TSC22D3: variants seen among roughly 807,000 people sequenced by gnomAD.
The protein encoded by TSC22D3 is TSC22 domain family protein 3.
A neutral mutation model predicts 11.1 loss-of-function variants in TSC22D3; 4 were observed. That is an observed-to-expected ratio of 0.36 (90% CI 0.18 to 0.83). TSC22D3 has a LOEUF of 0.83. TSC22D3 is among the 40% of genes least tolerant of loss of function. The pLI is 0.48. For missense variants in TSC22D3, 118 were observed against 159.4 expected (o/e 0.74, Z 1.40); for synonymous variants, 77 against 70.3 (o/e 1.10, Z -0.48).
At chrX:107,728,558 G>A (rs1927749204) in intron 1 of TSC22D3, among the ~76,000 whole-genome samples, 1 of 112,159 alleles carries the variant, frequency 8.9e-6, no homozygotes. Flanking sequence ...CAGGAGCAGG[G>A]TGGCCAAGTC....
At chrX:107,763,452 C>T (rs1241692338) in intron 1 of TSC22D3, among the ~76,000 whole-genome samples, 2 of 111,345 alleles carry the variant, frequency 1.8e-5, no homozygotes, top group Non-Finnish European at 1.9e-5. Flanking sequence ...AATGAACACT[C>T]TTTGGGGCCC....
chrX:107,760,946 CAG>C (rs1157143986), intron 1 of TSC22D3, among the ~76,000 whole-genome samples: 4 of 111,691 alleles, frequency 3.6e-5, no homozygotes, highest in African/African-American at 9.8e-5. Context: ...ATGTGAGTGA[CAG>C]AGCAAGAAGA....
intron 1 of TSC22D3, among the ~76,000 whole-genome samples, chrX:107,754,787 C>A (rs917133053): frequency 8.9e-6 from 1 of 112,330 alleles, no homozygotes; most frequent in African/African-American, 3.2e-5. Context: ...CAGGTGATTG[C>A]GTCCTCTGCA....
intron 1 of TSC22D3, among the ~76,000 whole-genome samples, chrX:107,726,332 T>C (rs966982335): frequency 8.9e-6 from 1 of 112,463 alleles, no homozygotes; most frequent in African/African-American, 3.2e-5. Flanking sequence ...AAACAAAAGC[T>C]ATGCTTCTCC....
chrX:107,752,345 C>T (rs1269618289), intron 1 of TSC22D3, among the ~76,000 whole-genome samples: 2 of 112,051 alleles, frequency 1.8e-5, no homozygotes, highest in Non-Finnish European at 3.8e-5. Context: ...CCTCTTCCCT[C>T]GTAATACAGG....
chrX:107,728,115 C>T (rs745661288), intron 1 of TSC22D3, among the ~76,000 whole-genome samples: 81 of 110,148 alleles, frequency 7.4e-4, no homozygotes, highest in African/African-American at 2.4e-3. Flanking sequence ...AGGCTTGGAC[C>T]GGTGCCTGGC....
intron 1 of TSC22D3, chrX:107,774,797 C>T: frequency 2.8e-6 from 1 of 359,663 alleles, no homozygotes; most frequent in Non-Finnish European, 4.8e-6. Flanking sequence ...GAAATGTATG[C>T]ATTTGAGGAG....
intron 1 of TSC22D3, among the ~76,000 whole-genome samples, chrX:107,769,606 C>T (rs758090727): frequency 4.5e-5 from 5 of 110,791 alleles, no homozygotes; most frequent in Admixed American, 9.6e-5. Flanking sequence ...GCTACTGAAT[C>T]GTACACTTAG....
intron 1 of TSC22D3, among the ~76,000 whole-genome samples, chrX:107,742,944 C>CTG (rs1239328563): frequency 8.9e-6 from 1 of 112,105 alleles, no homozygotes; most frequent in African/African-American, 3.2e-5. Flanking sequence ...CCCACAGCAC[C>CTG]TGTGGTTGGG....
intron 1 of TSC22D3, among the ~76,000 whole-genome samples, chrX:107,771,034 G>C (rs1301052896): frequency 8.9e-6 from 1 of 112,008 alleles, no homozygotes; most frequent in African/African-American, 3.2e-5. Flanking sequence ...CACAGGACTG[G>C]GATGGTTGGT....
chrX:107,740,143 T>C (rs1928328942), intron 1 of TSC22D3, among the ~76,000 whole-genome samples: 1 of 111,979 alleles, frequency 8.9e-6, no homozygotes, highest in African/African-American at 3.3e-5. Flanking sequence ...CCCAAAGTCA[T>C]ACCGGGTAGA....
intron 1 of TSC22D3, among the ~76,000 whole-genome samples, chrX:107,759,723 A>T (rs946246454): frequency 5.3e-5 from 6 of 112,199 alleles, no homozygotes; most frequent in Non-Finnish European, 9.4e-5. Context: ...CTGGCTGGGG[A>T]TGCTTCTCTC....
rs191796767 is a variant in TSC22D3 at position 107,754,239 on chromosome X, C to T, written c.320+20861G>A. On this transcript the variant is annotated intron_variant, in intron 1 of 2. Transcript: ENST00000372383. ...GGCCTATCATGGTGCAATTTCAAAGCTAGCTAGACATGATGTTTCTCCTAC... is the reference window on the plus strand; with the variant it reads ...GGCCTATCATGGTGCAATTTCAAAGTTAGCTAGACATGATGTTTCTCCTAC... 2.4e-3 allele frequency among the ~76,000 whole-genome samples: 266 copies of T among 111,651 alleles called. 3 individuals are homozygous for T. Among genetic ancestry groups the T allele is most frequent in the African/African-American group, 8.3e-3 (256 of 30,755 alleles).
intron 1 of TSC22D3, among the ~76,000 whole-genome samples, chrX:107,764,391 T>C (rs1337191235): frequency 8.9e-6 from 1 of 112,268 alleles, no homozygotes; most frequent in East Asian, 2.8e-4. Context: ...CACAGGTGTG[T>C]CCAAGACACT....
chrX:107,745,128 C>T (rs961362550), intron 1 of TSC22D3, among the ~76,000 whole-genome samples: 1 of 112,026 alleles, frequency 8.9e-6, no homozygotes, highest in Non-Finnish European at 1.9e-5. Flanking sequence ...GTTGACTTAA[C>T]CACCCCCTCC....
chrX:107,771,632 G>A (rs1021918539), intron 1 of TSC22D3, among the ~76,000 whole-genome samples: 12 of 112,425 alleles, frequency 1.1e-4, no homozygotes, highest in Non-Finnish European at 2.1e-4. Flanking sequence ...CCATTCCAAA[G>A]AGTTGATGTA....
At chrX:107,740,146 C>T (rs1178527561) in intron 1 of TSC22D3, among the ~76,000 whole-genome samples, 4 of 111,876 alleles carry the variant, frequency 3.6e-5, no homozygotes, top group Admixed American at 9.4e-5. Context: ...AAAGTCATAC[C>T]GGGTAGAGAA....
At chrX:107,742,318 A>AGAGAGT (rs1569451273) in intron 1 of TSC22D3, among the ~76,000 whole-genome samples, 1 of 38,160 alleles carries the variant, frequency 2.6e-5, no homozygotes, top group East Asian at 8.6e-4. Flanking sequence ...AGAGAGAGAG[A>AGAGAGT]GTGTGTGTGC....
intron 1 of TSC22D3, among the ~76,000 whole-genome samples, chrX:107,742,743 T>C (rs1928476146): frequency 1.8e-5 from 2 of 111,106 alleles, no homozygotes; most frequent in Admixed American, 1.9e-4. Context: ...GCATTTACAG[T>C]CCAATGACCC....
Sources: allele counts gnomAD v4.1 joint callset (sites outside exome capture counted in the v4.1 genomes callset), GRCh38; gene constraint gnomAD v4.1.1; transcripts MANE v1.5; gene names NCBI Gene and HGNC (gene_info 2026-07-23, HGNC 2026-07-21).